The following COL5A2 variants were observed in gnomAD, a reference collection of about 807,000 sequenced individuals.
COL5A2 encodes the protein collagen alpha-2(V) chain.
COL5A2 carries 23 observed loss-of-function variants against 208.2 expected under a neutral mutation model. That is an observed-to-expected ratio of 0.11 (90% CI 0.08 to 0.16). COL5A2 has a LOEUF of 0.16. Ranked by LOEUF, COL5A2 falls within the 10% of genes least tolerant of loss-of-function variation. COL5A2 has a pLI of 1.00. For synonymous variants in COL5A2, 625 were observed against 628.5 expected (o/e 0.99, Z 0.08); for missense variants, 1,590 against 1,956.4 (o/e 0.81, Z 3.53).
the COL5A2 span, among the ~76,000 whole-genome samples, chr2:189,355,515 A>T: frequency 2.7e-5 from 1 of 37,550 alleles, no homozygotes; most frequent in South Asian, 1.1e-3. Flanking sequence ...TGTTGAATTG[A>T]TCCTTTACCA....
intron 1 of COL5A2, among the ~76,000 whole-genome samples, chr2:189,114,672 T>C (rs1040718630): frequency 1.3e-5 from 2 of 149,584 alleles, no homozygotes; most frequent in Non-Finnish European, 3.0e-5. Context: ...TACCTGGATA[T>C]TGGGGCCGGT....
chr2:189,298,087 C>G, the COL5A2 span, among the ~76,000 whole-genome samples: 1 of 152,242 alleles, frequency 6.6e-6, no homozygotes, highest in African/African-American at 2.4e-5. Flanking sequence ...GGACAGGAAA[C>G]AGAGACAGCC....
At chr2:189,373,213 T>C in the COL5A2 span, among the ~76,000 whole-genome samples, 7 of 152,164 alleles carry the variant, frequency 4.6e-5, no homozygotes, top group African/African-American at 1.7e-4. Context: ...AGGGAAAATA[T>C]GACTCTTGTA....
chr2:189,331,120 A>G, the COL5A2 span, among the ~76,000 whole-genome samples: 3 of 152,222 alleles, frequency 2.0e-5, no homozygotes, highest in African/African-American at 7.2e-5. Flanking sequence ...AAAGAATCAA[A>G]TGGAAATTAT....
intron 50 of COL5A2, among the ~76,000 whole-genome samples, chr2:189,039,852 C>T (rs1360889754): frequency 2.0e-5 from 3 of 152,032 alleles, no homozygotes; most frequent in African/African-American, 4.8e-5. Context: ...CTTGAAGATA[C>T]AACATATTTT....
In COL5A2 at chr2:189,033,852, T is replaced by C; in HGVS notation, c.*218A>G. 4.8e-6 allele frequency: 3 copies of C among 623,098 alleles called. No individual in the cohort carries two copies. The South Asian group carries it at 6.0e-5, about 12-fold the overall frequency. 38.6% of individuals were successfully genotyped at this position (623,098 alleles called of 1,614,324 possible). A position where few individuals can be genotyped will look rare whatever the true frequency, so the allele number is the denominator to read the frequency against. The stretch of plus-strand genomic sequence containing the variant: ...GTCATCTTAAACCTAAACTGTTGTA[T>C]TGAAAAATATTTAAAATCAATTAAA... On this transcript the variant is annotated 3_prime_UTR_variant, in exon 54 of 54. Transcript: ENST00000374866.
intron 1 of COL5A2, among the ~76,000 whole-genome samples, chr2:189,196,448 CT>C (rs1689001507): frequency 6.8e-6 from 1 of 146,148 alleles, no homozygotes; most frequent in South Asian, 2.2e-4. Flanking sequence ...TGGGAAAACT[CT>C]TGGTCATTAT....
chr2:189,142,694 C>T (rs1162842968), intron 1 of COL5A2, among the ~76,000 whole-genome samples: 5 of 152,136 alleles, frequency 3.3e-5, no homozygotes, highest in African/African-American at 9.7e-5. Flanking sequence ...ACTATGATTA[C>T]CCTGCAATCT....
chr2:189,418,174 AT>A, the COL5A2 span, among the ~76,000 whole-genome samples: 3 of 152,214 alleles, frequency 2.0e-5, no homozygotes, highest in Non-Finnish European at 2.9e-5. Flanking sequence ...AAGAAAAAAA[AT>A]GACATGTCTT....
intron 1 of COL5A2, among the ~76,000 whole-genome samples, chr2:189,198,217 C>A (rs1689030827): frequency 6.6e-6 from 1 of 152,006 alleles, no homozygotes; most frequent in Admixed American, 6.5e-5. Flanking sequence ...AGAATGAATG[C>A]ATAGGATATG....
the COL5A2 span, among the ~76,000 whole-genome samples, chr2:189,380,028 G>A: frequency 2.0e-5 from 3 of 151,394 alleles, no homozygotes; most frequent in Non-Finnish European, 4.4e-5. Flanking sequence ...TAAAGGGAGT[G>A]AAATATTTTA....
the COL5A2 span, among the ~76,000 whole-genome samples, chr2:189,313,096 C>A: frequency 4.4e-4 from 67 of 151,658 alleles, 1 homozygote; most frequent in Admixed American, 1.3e-3. Context: ...ATAGATCAAG[C>A]AGAAGAAAGA....
At chr2:189,160,989 C>T (rs1262041717) in intron 1 of COL5A2, among the ~76,000 whole-genome samples, 1 of 151,738 alleles carries the variant, frequency 6.6e-6, no homozygotes, top group African/African-American at 2.4e-5. Flanking sequence ...TGCCACCATA[C>T]TCGGCTAATT....
intron 1 of COL5A2, among the ~76,000 whole-genome samples, chr2:189,187,408 G>T (rs959169247): frequency 6.6e-6 from 1 of 152,182 alleles, no homozygotes; most frequent in Non-Finnish European, 1.5e-5. Flanking sequence ...GAGCCAGACA[G>T]AGTTTAAATG....
the COL5A2 span, among the ~76,000 whole-genome samples, chr2:189,310,646 T>C: frequency 6.6e-6 from 1 of 152,140 alleles, no homozygotes; most frequent in Non-Finnish European, 1.5e-5. Context: ...GCAGCACTGT[T>C]CACAACAAGA....
In COL5A2 at chr2:189,033,611, T is replaced by A. The variant is rs1685381010; in HGVS notation, c.*459A>T. ...TAATTGACAATCTTGGAATGAGAGG[T>A]CACAAAAGGGCACTAATTTCTATTT... On this transcript the variant is annotated 3_prime_UTR_variant, in exon 54 of 54. Transcript: ENST00000374866. The A allele has an allele frequency of 5.5e-6, 1 of 180,696 alleles. No homozygotes were observed. Among genetic ancestry groups the A allele is most frequent in the African/African-American group, 2.4e-5 (1 of 41,970 alleles). 11.2% of individuals were successfully genotyped at this position (180,696 alleles called of 1,614,324 possible).
At chr2:189,356,534 G>A in the COL5A2 span, among the ~76,000 whole-genome samples, 1 of 151,954 alleles carries the variant, frequency 6.6e-6, no homozygotes, top group Non-Finnish European at 1.5e-5. Context: ...TTCGGCTATC[G>A]ATACTTGTGC....
the COL5A2 span, among the ~76,000 whole-genome samples, chr2:189,398,855 A>C: frequency 1.3e-5 from 2 of 151,924 alleles, no homozygotes; most frequent in Admixed American, 1.3e-4. Flanking sequence ...CTCTCTATTC[A>C]CTAGTTAGTT....
At chr2:189,272,809 AG>A in the COL5A2 span, among the ~76,000 whole-genome samples, 1 of 152,132 alleles carries the variant, frequency 6.6e-6, no homozygotes, top group Non-Finnish European at 1.5e-5. Flanking sequence ...CTCTGAGGAG[AG>A]GTGAGTGTTA....
Sources: gnomAD v4.1 joint callset for allele counts (sites outside exome capture counted in the v4.1 genomes callset) on GRCh38, gnomAD v4.1.1 for gene constraint, MANE v1.5 for transcripts, NCBI Gene and HGNC (gene_info 2026-07-23, HGNC 2026-07-21) for gene names.